NCAM2: variants seen among roughly 807,000 people sequenced by gnomAD.
NCAM2 encodes N-CAM-2.
Under a neutral mutation model 98.1 loss-of-function variants are expected in NCAM2, and 30 were observed. The observed-to-expected ratio is 0.31, with a 90% CI of 0.23 to 0.41. NCAM2 has a LOEUF of 0.41. Among genes scored for constraint, NCAM2 ranks in the 10% least tolerant of loss-of-function variants. The pLI is 1.00. For synonymous variants in NCAM2, 368 were observed against 342.4 expected, an observed-to-expected ratio of 1.07 and a Z score of -0.83; for missense variants, 867 against 1,005.8, an observed-to-expected ratio of 0.86 and a Z score of 1.87.
chr21:21,518,427 A>G (rs1020611919), intron 16 of NCAM2, among the ~76,000 whole-genome samples: 1 of 152,196 alleles, frequency 6.6e-6, no homozygotes, highest in Middle Eastern at 3.2e-3. Flanking sequence ...AATAAGAGAC[A>G]TGGTAAATAC....
At chr21:21,355,193 G>T (rs555540297) in intron 8 of NCAM2, among the ~76,000 whole-genome samples, 2 of 152,124 alleles carry the variant, frequency 1.3e-5, no homozygotes, top group South Asian at 4.2e-4. Context: ...CAGCACTTTG[G>T]GAGGCTTAGG....
chr21:21,034,582 T>C (rs2064759492), intron 1 of NCAM2, among the ~76,000 whole-genome samples: 1 of 152,174 alleles, frequency 6.6e-6, no homozygotes, highest in Admixed American at 6.5e-5. Flanking sequence ...CTAATGATTT[T>C]AAATCAGAAA....
chr21:21,455,427 G>A (rs1406151105), intron 12 of NCAM2, among the ~76,000 whole-genome samples: 1 of 151,538 alleles, frequency 6.6e-6, no homozygotes, highest in Non-Finnish European at 1.5e-5. Context: ...TTTTAATTTA[G>A]GAGGAGATCC....
chr21:21,394,680 G>A (rs1179649917), intron 9 of NCAM2, among the ~76,000 whole-genome samples: 1 of 151,234 alleles, frequency 6.6e-6, no homozygotes, highest in Non-Finnish European at 1.5e-5. Flanking sequence ...GTAGAGACGG[G>A]GTTTCACTGT....
intron 16 of NCAM2, among the ~76,000 whole-genome samples, chr21:21,530,780 A>T (rs953310688): frequency 4.6e-5 from 7 of 151,930 alleles, no homozygotes; most frequent in Admixed American, 1.3e-4. Flanking sequence ...CAATATTTTT[A>T]TAATGGACTG....
chr21:21,105,434 A>G (rs2066324742), intron 1 of NCAM2, among the ~76,000 whole-genome samples: 1 of 152,122 alleles, frequency 6.6e-6, no homozygotes, highest in Admixed American at 6.6e-5. Flanking sequence ...ATTAGAGTAG[A>G]ACAGCCAAAA....
At chr21:21,261,073 CAG>C (rs1468850688) in intron 1 of NCAM2, among the ~76,000 whole-genome samples, 1 of 151,416 alleles carries the variant, frequency 6.6e-6, no homozygotes, top group Non-Finnish European at 1.5e-5. Flanking sequence ...TCATATGTAA[CAG>C]ATTTTAAACC....
chr21:21,223,170 C>G (rs564430915), intron 1 of NCAM2: 1 of 152,158 alleles, frequency 6.6e-6, no homozygotes, highest in Non-Finnish European at 1.5e-5. Context: ...GATTAAATGT[C>G]ATATTGTATT....
chr21:21,443,274 C>G (rs1032651534), intron 12 of NCAM2, among the ~76,000 whole-genome samples: 5 of 151,844 alleles, frequency 3.3e-5, no homozygotes, highest in African/African-American at 1.2e-4. Context: ...CGGGGACTGC[C>G]GAGGGGTGGG....
At chr21:21,535,371 A>G (rs924765834) in intron 17 of NCAM2, among the ~76,000 whole-genome samples, 31 of 152,090 alleles carry the variant, frequency 2.0e-4, no homozygotes, top group African/African-American at 7.2e-4. Context: ...ACACTTCTTT[A>G]CTGTGCACCA....
chr21:21,424,731 T>C (rs188536237), intron 11 of NCAM2, among the ~76,000 whole-genome samples: 2 of 152,132 alleles, frequency 1.3e-5, no homozygotes, highest in Admixed American at 6.6e-5. Flanking sequence ...TTATAGATCT[T>C]AAAAACATTC....
intron 1 of NCAM2, among the ~76,000 whole-genome samples, chr21:21,189,129 A>G (rs953799428): frequency 3.3e-5 from 5 of 152,220 alleles, no homozygotes; most frequent in African/African-American, 1.2e-4. Flanking sequence ...AGTAAAGTTC[A>G]TCAGGTTTGG....
At chr21:21,394,793 A>G (rs1216844416) in intron 9 of NCAM2, among the ~76,000 whole-genome samples, 1 of 152,126 alleles carries the variant, frequency 6.6e-6, no homozygotes, top group African/African-American at 2.4e-5. Flanking sequence ...AAGGTCTAAG[A>G]AAGACAATCT....
intron 1 of NCAM2, among the ~76,000 whole-genome samples, chr21:21,008,793 G>A (rs2064154810): frequency 6.6e-6 from 1 of 152,048 alleles, no homozygotes; most frequent in Non-Finnish European, 1.5e-5. Context: ...TGAAATATTT[G>A]GGAGTGTTTG....
chr21:21,325,806 A>G (rs1199780597), intron 6 of NCAM2, among the ~76,000 whole-genome samples: 1 of 152,168 alleles, frequency 6.6e-6, no homozygotes, highest in Admixed American at 6.5e-5. Flanking sequence ...TAAAGCACAA[A>G]AATAATATGA....
chr21:21,410,332 C>T lies in NCAM2; in HGVS notation c.1254C>T (p.Ile418=). The change falls in exon 10 of 18, where the codon ATC becomes ATT. Residue 418 remains isoleucine (I), a synonymous_variant. Coordinates refer to ENST00000400546, the MANE Select transcript of NCAM2 (RefSeq NM_004540.5). ...TIYYSWEGNP[I]NISCDVKSNP... The stretch of plus-strand genomic sequence containing the variant: ...ATTACTCTTGGGAAGGAAATCCTAT[C>T]AATATAAGTTGTGATGTGAAATCGA... The T allele has an allele frequency of 6.3e-7, 1 of 1,598,846 alleles. No homozygotes were observed. The highest frequency in any genetic ancestry group is 8.5e-7 in the Non-Finnish European group (1 of 1,172,034).
chr21:21,388,841 T>C (rs2145817010), intron 9 of NCAM2, among the ~76,000 whole-genome samples: 1 of 152,312 alleles, frequency 6.6e-6, no homozygotes, highest in African/African-American at 2.4e-5. Flanking sequence ...AAGTGTAAAG[T>C]ACACAACAGG....
intron 11 of NCAM2, among the ~76,000 whole-genome samples, chr21:21,426,705 G>C (rs1182948564): frequency 6.6e-6 from 1 of 152,116 alleles, no homozygotes; most frequent in Non-Finnish European, 1.5e-5. Context: ...ATTCATATCT[G>C]CAGAGCCTCT....
chr21:21,282,207 G>A (rs1475246421), intron 2 of NCAM2, among the ~76,000 whole-genome samples: 2 of 151,708 alleles, frequency 1.3e-5, no homozygotes, highest in African/African-American at 4.8e-5. Context: ...TCACATAAAG[G>A]TAGAATAACA....
Sources: allele counts gnomAD v4.1 joint callset (sites outside exome capture counted in the v4.1 genomes callset), GRCh38; gene constraint gnomAD v4.1.1; transcripts MANE v1.5; gene names NCBI Gene and HGNC (gene_info 2026-07-23, HGNC 2026-07-21).